The following LINGO2 variants were observed in gnomAD, a reference collection of about 807,000 sequenced individuals.
The protein encoded by LINGO2 is leucine-rich repeat and immunoglobulin-like domain-containing nogo receptor-interacting protein 2.
Under a neutral mutation model 30.6 loss-of-function variants are expected in LINGO2, and 14 were observed. The ratio of observed to expected loss-of-function variants is 0.46; its 90% CI spans 0.30 to 0.72. The LOEUF (loss-of-function observed/expected upper bound fraction) is 0.72, where lower values mean the gene tolerates loss of function less well. Ranked by LOEUF, LINGO2 falls within the 30% of genes least tolerant of loss-of-function variation. LINGO2 has a pLI of 0.07. For missense variants in LINGO2, 729 were observed against 751.7 expected, an observed-to-expected ratio of 0.97 and a Z score of 0.35; for synonymous variants, 317 against 288.5, an observed-to-expected ratio of 1.10 and a Z score of -1.00.
At chr9:28,790,699 G>T in the LINGO2 span, among the ~76,000 whole-genome samples, 2 of 151,938 alleles carry the variant, frequency 1.3e-5, no homozygotes, top group Non-Finnish European at 2.9e-5. Context: ...TGAATACAGT[G>T]AATTTTGAGA....
At chr9:28,627,633 T>C (rs929106622) in intron 1 of LINGO2, among the ~76,000 whole-genome samples, 8 of 152,246 alleles carry the variant, frequency 5.3e-5, no homozygotes, top group African/African-American at 1.7e-4. Flanking sequence ...AAATGTGTCA[T>C]ATATTTTGAC....
chr9:28,955,324 CT>C, the LINGO2 span, among the ~76,000 whole-genome samples: 1 of 152,076 alleles, frequency 6.6e-6, no homozygotes, highest in Non-Finnish European at 1.5e-5. Context: ...AGGCAAAAAT[CT>C]TTGCTTTGAC....
the LINGO2 span, among the ~76,000 whole-genome samples, chr9:28,856,219 T>A: frequency 6.6e-6 from 1 of 152,010 alleles, no homozygotes; most frequent in African/African-American, 2.4e-5. Flanking sequence ...CACAGAGATT[T>A]TGTGCTTTGC....
chr9:27,971,859 A>C (rs2118772001), intron 5 of LINGO2, among the ~76,000 whole-genome samples: 2 of 152,304 alleles, frequency 1.3e-5, no homozygotes, highest in South Asian at 4.1e-4. Flanking sequence ...CTGGAGGATA[A>C]ATTTCTCTGT....
chr9:28,664,693 T>G (rs939071891), intron 1 of LINGO2, among the ~76,000 whole-genome samples: 2 of 151,960 alleles, frequency 1.3e-5, no homozygotes, highest in African/African-American at 4.8e-5. Flanking sequence ...CATATCCTCT[T>G]CTTGGGGACT....
the LINGO2 span, chr9:28,888,967 A>G: frequency 1.9e-6 from 1 of 524,360 alleles, no homozygotes; most frequent in Non-Finnish European, 4.0e-6. Context: ...AACTTATTCT[A>G]AGCAGGAACC....
chr9:28,640,560 C>T (rs1489025934), intron 1 of LINGO2, among the ~76,000 whole-genome samples: 1 of 149,800 alleles, frequency 6.7e-6, no homozygotes, highest in Non-Finnish European at 1.5e-5. Flanking sequence ...TCTCTTCTCA[C>T]TTTATTTCAT....
the LINGO2 span, among the ~76,000 whole-genome samples, chr9:28,813,770 T>G: frequency 1.3e-5 from 2 of 152,174 alleles, no homozygotes; most frequent in African/African-American, 2.4e-5. Context: ...TACTTTAGAT[T>G]AGGTAATCAA....
chr9:28,578,787 A>G (rs1824116063), intron 1 of LINGO2, among the ~76,000 whole-genome samples: 2 of 152,154 alleles, frequency 1.3e-5, no homozygotes, highest in African/African-American at 4.8e-5. Context: ...GTGACTTGCT[A>G]GTTAGCCCTG....
intron 1 of LINGO2, among the ~76,000 whole-genome samples, chr9:28,498,361 G>A (rs573558297): frequency 6.6e-6 from 1 of 152,272 alleles, no homozygotes; most frequent in South Asian, 2.1e-4. Flanking sequence ...GCAATGGCGG[G>A]CGCCCCTCCG....
the LINGO2 span, among the ~76,000 whole-genome samples, chr9:29,055,965 T>A: frequency 6.7e-6 from 1 of 150,172 alleles, no homozygotes; most frequent in African/African-American, 2.4e-5. Flanking sequence ...TATGTACATG[T>A]ATATATGCAT....
At chr9:29,205,221 T>C in the LINGO2 span, among the ~76,000 whole-genome samples, 1 of 152,122 alleles carries the variant, frequency 6.6e-6, no homozygotes, top group African/African-American at 2.4e-5. Flanking sequence ...TTGTTATTTT[T>C]AGTAGAGACA....
intron 3 of LINGO2, among the ~76,000 whole-genome samples, chr9:28,364,672 T>G (rs1820588924): frequency 6.6e-6 from 1 of 152,210 alleles, no homozygotes; most frequent in African/African-American, 2.4e-5. Context: ...TTGTAGACAG[T>G]TATGTTTTCA....
Position 28,205,949 on chromosome 9 carries a change from G to A in LINGO2, c.-87+89259C>T, listed in dbSNP as rs186235830. ...TGTTATCCCAGCACTTTGGGAGGCC[G>A]AAGTGGGCAGTTCAAGACCAGCCTG... On this transcript the variant is annotated intron_variant, in intron 4 of 5. Coordinates refer to ENST00000379992, the Ensembl canonical transcript of LINGO2. Among the ~76,000 whole-genome samples the A allele has an allele frequency of 5.1e-3, 780 of 152,092 alleles. 11 individuals are homozygous for A. Among genetic ancestry groups the A allele is most frequent in the African/African-American group, 0.018 (747 of 41,512 alleles).
In LINGO2 at chr9:28,355,572, AG is replaced by A. The variant is rs566869666; in HGVS notation, c.-246+17263del. Reference sequence around the variant, plus strand: ...AAGCTTTCTCAAGGAGAACAAGTGAAGGTGGGTCTGCAAATAATATATGGAT... The same window carrying A: ...AAGCTTTCTCAAGGAGAACAAGTGAAGTGGGTCTGCAAATAATATATGGAT... On this transcript the variant is annotated intron_variant, in intron 3 of 5. Coordinates refer to ENST00000379992, the Ensembl canonical transcript of LINGO2. Among the ~76,000 whole-genome samples, 367 of 152,216 alleles carry A rather than the reference AG, an allele frequency of 2.4e-3. 2 individuals are homozygous for A. The highest frequency in any genetic ancestry group is 8.4e-3 in the African/African-American group (347 of 41,556).
chr9:28,453,833 T>C (rs1191722627), intron 2 of LINGO2, among the ~76,000 whole-genome samples: 1 of 151,990 alleles, frequency 6.6e-6, no homozygotes, highest in Non-Finnish European at 1.5e-5. Context: ...TCAGTGTCAG[T>C]GTCTTTAGAG....
chr9:28,112,048 A>T (rs1462350046), intron 4 of LINGO2, among the ~76,000 whole-genome samples: 1 of 109,280 alleles, frequency 9.2e-6, no homozygotes, highest in East Asian at 2.9e-4. Context: ...TCCCAATGCT[A>T]TCCCTCCCCC....
the LINGO2 span, among the ~76,000 whole-genome samples, chr9:28,798,404 T>C: frequency 6.6e-6 from 1 of 152,210 alleles, no homozygotes; most frequent in Middle Eastern, 3.4e-3. Flanking sequence ...ATGGAGATTT[T>C]GCCCACTGTT....
chr9:29,109,053 A>G, the LINGO2 span, among the ~76,000 whole-genome samples: 2 of 152,232 alleles, frequency 1.3e-5, no homozygotes, highest in Non-Finnish European at 2.9e-5. Flanking sequence ...TATAAAATTG[A>G]ATGCAAATCT....
Sources: allele counts gnomAD v4.1 joint callset (sites outside exome capture counted in the v4.1 genomes callset), GRCh38; gene constraint gnomAD v4.1.1; transcripts MANE v1.5; gene names NCBI Gene and HGNC (gene_info 2026-07-23, HGNC 2026-07-21).